The following RNF157 variants were observed in gnomAD, a reference collection of about 807,000 sequenced individuals.
The protein encoded by RNF157 is E3 ubiquitin ligase RNF157.
Under a neutral mutation model 88.3 loss-of-function variants are expected in RNF157, and 55 were observed. The observed-to-expected ratio is 0.62, with a 90% CI of 0.50 to 0.78. The LOEUF is 0.78. Ranked by LOEUF, RNF157 falls within the 30% of genes least tolerant of loss-of-function variation. The pLI, the probability that RNF157 is intolerant of heterozygous loss-of-function variation, is 0.00. For missense variants in RNF157, 788 were observed against 860.8 expected (o/e 0.92, Z 1.06); for synonymous variants, 334 against 341.2 (o/e 0.98, Z 0.23).
chr17:76,151,360 T>A (rs1416156564), intron 18 of RNF157, among the ~76,000 whole-genome samples: 1 of 152,244 alleles, frequency 6.6e-6, no homozygotes, highest in Non-Finnish European at 1.5e-5. Flanking sequence ...GTGCTTGGAC[T>A]GTGTCTTGCA....
intron 13 of RNF157, chr17:76,156,563 C>A: frequency 3.1e-6 from 3 of 981,868 alleles, no homozygotes; most frequent in Non-Finnish European, 3.6e-6. Context: ...GGCACAGCAT[C>A]TGCTGCGGCC....
intron 1 of RNF157, among the ~76,000 whole-genome samples, chr17:76,224,628 T>C (rs958279323): frequency 1.3e-5 from 2 of 152,008 alleles, no homozygotes; most frequent in Admixed American, 6.6e-5. Flanking sequence ...GGGTGCCTAA[T>C]CTTTTGACTT....
At chr17:76,224,455 G>GA (rs1285583595) in intron 1 of RNF157, among the ~76,000 whole-genome samples, 2 of 151,902 alleles carry the variant, frequency 1.3e-5, no homozygotes, top group Non-Finnish European at 2.9e-5. Flanking sequence ...TCATATATTT[G>GA]AAAAAATCTT....
At chr17:76,204,047 G>A (rs1049228070) in intron 2 of RNF157, among the ~76,000 whole-genome samples, 1 of 152,104 alleles carries the variant, frequency 6.6e-6, no homozygotes, top group African/African-American at 2.4e-5. Flanking sequence ...GATTACAGGC[G>A]TGAGCCACCG....
chr17:76,188,498 T>C (rs2069330720), intron 2 of RNF157, among the ~76,000 whole-genome samples: 2 of 152,148 alleles, frequency 1.3e-5, no homozygotes, highest in Non-Finnish European at 2.9e-5. Context: ...TAAATAGGTG[T>C]CTTAGCATTA....
At chr17:76,156,578 A>G in intron 13 of RNF157, 2 of 963,922 alleles carry the variant, frequency 2.1e-6, no homozygotes, top group South Asian at 4.8e-5. Context: ...GCGGCCATAC[A>G]AAGACTGCAG....
chr17:76,161,695 GA>G lies in RNF157; in HGVS notation c.953-49del. On this transcript the variant is annotated intron_variant, in intron 10 of 18. Coordinates refer to ENST00000269391, the MANE Select transcript of RNF157 (RefSeq NM_052916.3). This position sits in a 1 kb window ranked among gnomAD's most constrained non-coding sequence, Gnocchi z 4.6. ...TCAGGACATCCTGATACAGGATTAA[GA>G]ATGAACAAGAGCCCAGACAGAAACC... The G allele has an allele frequency of 6.4e-7, 1 of 1,558,586 alleles. No homozygotes were observed. The highest frequency in any genetic ancestry group is 8.8e-7 in the Non-Finnish European group (1 of 1,135,656).
intron 2 of RNF157, among the ~76,000 whole-genome samples, chr17:76,194,901 G>A (rs1040338005): frequency 6.6e-6 from 1 of 152,122 alleles, no homozygotes; most frequent in Non-Finnish European, 1.5e-5. Flanking sequence ...TGTAGTCCCA[G>A]CTACTCAGGA....
At chr17:76,172,330 G>A (rs1028990427) in intron 3 of RNF157, among the ~76,000 whole-genome samples, 3 of 151,898 alleles carry the variant, frequency 2.0e-5, no homozygotes, top group East Asian at 1.9e-4. Context: ...GGTGGCTCAC[G>A]CCTGTAATCC....
intron 2 of RNF157, among the ~76,000 whole-genome samples, chr17:76,193,017 C>T (rs1003008783): frequency 6.6e-5 from 10 of 152,056 alleles, no homozygotes; most frequent in African/African-American, 1.9e-4. Flanking sequence ...GACGGGACCT[C>T]GCTGTTTCCC....
chr17:76,212,430 A>G lies in RNF157; in HGVS notation c.141T>C (p.Thr47=). Reference sequence around the variant, plus strand: ...CTCCAAACAGGTAACCTTCAGGATGAGTTGAGTCAAACTTCTCTCCTCCCA... The same window carrying G: ...CTCCAAACAGGTAACCTTCAGGATGGGTTGAGTCAAACTTCTCTCCTCCCA... ...FIMGGEKFDS[T]HPEGYLFGEN... Residue 47 remains threonine, a synonymous_variant, in exon 2 of 19, where the codon ACT becomes ACC. Transcript: ENST00000269391. 6.2e-7 allele frequency: 1 copy of G among 1,614,084 alleles called. No homozygotes were observed. Among genetic ancestry groups the G allele is most frequent in the Admixed American group, 1.7e-5 (1 of 60,012 alleles).
In RNF157 at chr17:76,164,811, G is replaced by A. The variant is rs1320947496; in HGVS notation, c.673-16C>T. 1.2e-6 allele frequency: 2 copies of A among 1,603,626 alleles called. No homozygotes were observed. The highest frequency in any genetic ancestry group is 1.7e-6 in the Non-Finnish European group (2 of 1,171,306). On this transcript the variant is annotated splice_polypyrimidine_tract_variant and intron_variant, in intron 7 of 18. Transcript: ENST00000269391. ...CATCTGTGTGCTGGAATGAAAATAT[G>A]AAAGTTATGACAAGGAAGGGAGGGT... is the stretch of plus-strand genomic sequence containing the variant.
At chr17:76,210,765 G>A (rs2069782463) in intron 2 of RNF157, among the ~76,000 whole-genome samples, 1 of 151,906 alleles carries the variant, frequency 6.6e-6, no homozygotes, top group South Asian at 2.1e-4. Context: ...CGGTCTACAG[G>A]AGAGAGTAAA....
intron 2 of RNF157, among the ~76,000 whole-genome samples, chr17:76,186,845 CAGG>C (rs2069298847): frequency 6.6e-6 from 1 of 151,804 alleles, no homozygotes. Context: ...GAGGCTGAGG[CAGG>C]AGAATTGCCT....
At chr17:76,192,475 C>G (rs908819931) in intron 2 of RNF157, among the ~76,000 whole-genome samples, 1 of 152,128 alleles carries the variant, frequency 6.6e-6, no homozygotes, top group Non-Finnish European at 1.5e-5. Context: ...GTGATTAGAC[C>G]AGCACATACA....
At chr17:76,210,831 G>A (rs370809039) in intron 2 of RNF157, among the ~76,000 whole-genome samples, 1 of 151,772 alleles carries the variant, frequency 6.6e-6, no homozygotes, top group Admixed American at 6.6e-5. Context: ...TTGAAACAGA[G>A]TCTCATTCTA....
Position 76,161,935 on chromosome 17 carries a change from G to A in RNF157, c.860C>T (p.Thr287Ile). The change falls in exon 10 of 19, where the codon ACC becomes ATC. Residue 287 changes from threonine to isoleucine, a missense_variant. Thr to Ile is a moderately conservative substitution (Grantham distance 89, BLOSUM62 -1). Transcript: ENST00000269391. The surrounding 1 kb of genome is among the most constrained non-coding windows in gnomAD (Gnocchi z 4.6). ...CVVCLSDVRD[T>I]LILPCRHLCL... ...GAGGTGGCGACAGGGCAGAATCAAG[G>A]TGTCCCGGACATCCGAGAGACACAC... 3 of 1,614,174 alleles carry A rather than the reference G, an allele frequency of 1.9e-6. No individual in the cohort carries two copies. The highest frequency in any genetic ancestry group is 2.5e-6 in the Non-Finnish European group (3 of 1,180,032).
At position 76,239,822 on chromosome 17, in the gene RNF157, C is replaced by T. The variant is rs191114443; in HGVS notation, c.88+331G>A. On this transcript the variant is annotated intron_variant, in intron 1 of 18. Coordinates refer to ENST00000269391, the MANE Select transcript of RNF157 (RefSeq NM_052916.3). ...GGGGCGCCGACCTCGCCTACGACGC[C>T]GCAGCCCCGCTCCCCAGGAGCCTCG... is the stretch of plus-strand genomic sequence containing the variant. Among the ~76,000 whole-genome samples, 1,492 of 152,178 alleles carry T rather than the reference C, an allele frequency of 9.8e-3. 31 individuals are homozygous for T. Among genetic ancestry groups the T allele is most frequent in the African/African-American group, 0.034 (1,426 of 41,534 alleles).
chr17:76,148,518 C>T (rs1286812205), intron 18 of RNF157, among the ~76,000 whole-genome samples: 2 of 150,830 alleles, frequency 1.3e-5, no homozygotes, highest in Admixed American at 6.6e-5. Flanking sequence ...CCGCCCATCT[C>T]GGCCTCCCAA....
Sources: allele counts gnomAD v4.1 joint callset (sites outside exome capture counted in the v4.1 genomes callset), GRCh38; gene constraint gnomAD v4.1.1; non-coding constraint Gnocchi (gnomAD v3.1); transcripts MANE v1.5; gene names NCBI Gene and HGNC (gene_info 2026-07-23, HGNC 2026-07-21).